Variants in NR6A1 observed in about 807,000 individuals in gnomAD.
The protein encoded by NR6A1 is retinoic acid receptor-related testis-associated receptor.
A neutral mutation model predicts 59.1 loss-of-function variants in NR6A1; 7 were observed. The observed-to-expected ratio is 0.12, with a 90% confidence interval of 0.07 to 0.22. The LOEUF (loss-of-function observed/expected upper bound fraction) is 0.22. NR6A1 is among the 10% of genes least tolerant of loss of function. The probability of loss-of-function intolerance (pLI) is 1.00; values close to 1 mark genes in which losing one functional copy is unlikely to be tolerated. For missense variants in NR6A1, 468 were observed against 611.6 expected (o/e 0.77, Z 2.48); for synonymous variants, 243 against 236.1 (o/e 1.03, Z -0.27).
intron 2 of NR6A1, among the ~76,000 whole-genome samples, chr9:124,689,076 C>CA (rs771704568): frequency 2.4e-4 from 36 of 152,126 alleles, no homozygotes; most frequent in Admixed American, 6.5e-4. Context: ...AACAGCTAGT[C>CA]AGAGATTGTT....
intron 2 of NR6A1, among the ~76,000 whole-genome samples, chr9:124,590,385 A>C (rs1312240367): frequency 6.6e-6 from 1 of 152,098 alleles, no homozygotes; most frequent in African/African-American, 2.4e-5. Context: ...TCAAAGAAAT[A>C]CAGGGCCCCA....
At chr9:124,555,427 T>A (rs1440060762) in intron 2 of NR6A1, among the ~76,000 whole-genome samples, 1 of 152,072 alleles carries the variant, frequency 6.6e-6, no homozygotes, top group Non-Finnish European at 1.5e-5. Context: ...ACCTCACTCC[T>A]GAGTAAGAGG....
At chr9:124,565,428 A>AAAACAAAC (rs896460175) in intron 2 of NR6A1, among the ~76,000 whole-genome samples, 2 of 150,676 alleles carry the variant, frequency 1.3e-5, no homozygotes, top group Non-Finnish European at 2.9e-5. Flanking sequence ...CTCCGTCTCA[A>AAAACAAAC]AAACAAACAA....
intron 2 of NR6A1, among the ~76,000 whole-genome samples, chr9:124,681,013 T>C (rs182926087): frequency 4.6e-4 from 70 of 152,282 alleles, no homozygotes; most frequent in Non-Finnish European, 8.4e-4. Context: ...CTTAATAATG[T>C]CCTTGATGAA....
intron 2 of NR6A1, among the ~76,000 whole-genome samples, chr9:124,588,657 C>T (rs912837091): frequency 1.4e-5 from 2 of 148,060 alleles, no homozygotes; most frequent in African/African-American, 4.9e-5. Context: ...TGGTGGCTCA[C>T]GCCGGTAATC....
At chr9:124,697,872 G>A (rs971448860) in intron 2 of NR6A1, among the ~76,000 whole-genome samples, 4 of 152,242 alleles carry the variant, frequency 2.6e-5, no homozygotes, top group Admixed American at 2.6e-4. Flanking sequence ...TCTGTAAATA[G>A]GAGATACAAC....
At chr9:124,541,324 T>G (rs900189019) in intron 4 of NR6A1, among the ~76,000 whole-genome samples, 1 of 151,388 alleles carries the variant, frequency 6.6e-6, no homozygotes, top group African/African-American at 2.4e-5. Flanking sequence ...AACAAGAAAC[T>G]TGAACAGACA....
At chr9:124,733,651 A>G (rs530657504) in intron 1 of NR6A1, among the ~76,000 whole-genome samples, 8 of 152,260 alleles carry the variant, frequency 5.3e-5, no homozygotes, top group Non-Finnish European at 7.3e-5. Context: ...AGCACAAGTA[A>G]TTATGAGTTA....
intron 2 of NR6A1, among the ~76,000 whole-genome samples, chr9:124,633,762 T>C (rs1836515304): frequency 6.6e-6 from 1 of 152,180 alleles, no homozygotes; most frequent in Non-Finnish European, 1.5e-5. Context: ...GCTAAATCCA[T>C]TTTGATAGCT....
intron 1 of NR6A1, among the ~76,000 whole-genome samples, chr9:124,753,150 A>C (rs1588855423): frequency 6.6e-6 from 1 of 152,278 alleles, no homozygotes; most frequent in Middle Eastern, 3.4e-3. Flanking sequence ...AAACATTCCA[A>C]AGCTGTTAGT....
chr9:124,631,771 T>TA (rs1275094375), intron 2 of NR6A1, among the ~76,000 whole-genome samples: 1 of 152,190 alleles, frequency 6.6e-6, no homozygotes, highest in Non-Finnish European at 1.5e-5. Context: ...ACCCAGGTAT[T>TA]AAGCCTAGTA....
At chr9:124,769,132 G>C (rs1841028379) in intron 1 of NR6A1, among the ~76,000 whole-genome samples, 1 of 151,952 alleles carries the variant, frequency 6.6e-6, no homozygotes, top group South Asian at 2.1e-4. Flanking sequence ...CTGGATTCCA[G>C]CTTCCCCCTT....
chr9:124,669,990 T>C (rs1435175292), intron 2 of NR6A1, among the ~76,000 whole-genome samples: 1 of 152,160 alleles, frequency 6.6e-6, no homozygotes, highest in Non-Finnish European at 1.5e-5. Context: ...AAACTTGATG[T>C]CTTATTTGTT....
At chr9:124,676,827 G>C (rs763341206) in intron 2 of NR6A1, among the ~76,000 whole-genome samples, 6 of 152,140 alleles carry the variant, frequency 3.9e-5, no homozygotes, top group Non-Finnish European at 7.3e-5. Flanking sequence ...CAGATATATG[G>C]CAAGTCCTCA....
chr9:124,580,048 ATATGACC>A (rs1486127193), intron 2 of NR6A1, among the ~76,000 whole-genome samples: 2 of 152,194 alleles, frequency 1.3e-5, no homozygotes, highest in African/African-American at 4.8e-5. Context: ...AAGATTTACC[ATATGACC>A]TAGCAATTCT....
chr9:124,706,667 C>T (rs556244442), intron 2 of NR6A1, among the ~76,000 whole-genome samples: 10 of 152,116 alleles, frequency 6.6e-5, no homozygotes, highest in Non-Finnish European at 1.0e-4. Context: ...TACTGACATG[C>T]GCCACCACAC....
intron 2 of NR6A1, among the ~76,000 whole-genome samples, chr9:124,616,363 A>G (rs1047032516): frequency 1.3e-5 from 2 of 150,528 alleles, no homozygotes; most frequent in African/African-American, 4.9e-5. Context: ...AGATCGCGCC[A>G]ATGCACTCCA....
chr9:124,651,231 A>AT lies in NR6A1; in HGVS notation c.142+82076dup, dbSNP rs541970757. Among the ~76,000 whole-genome samples, 322 of 148,152 alleles carry AT rather than the reference A, an allele frequency of 2.2e-3. 4 individuals carry two copies. The highest frequency in any genetic ancestry group is 0.019 in the South Asian group (87 of 4,664). On this transcript the variant is annotated intron_variant, in intron 2 of 9. Coordinates refer to ENST00000487099, the MANE Select transcript of NR6A1 (RefSeq NM_033334.4). Reference sequence around the variant, plus strand: ...GCCACTATGCCTGGTTAATTTTTGTATTTTTTTTTTAGAGATGGGGTTTTG... The same window carrying AT: ...GCCACTATGCCTGGTTAATTTTTGTATTTTTTTTTTTAGAGATGGGGTTTTG...
intron 5 of NR6A1, 93 bp from the exon 6 acceptor site, chr9:124,538,412 G>C (rs1833346961): frequency 1.1e-6 from 1 of 906,536 alleles, no homozygotes; most frequent in Non-Finnish European, 1.7e-6. Context: ...GGTATTCTTT[G>C]AACATGAGGT....
Sources: gnomAD v4.1 joint callset for allele counts (sites outside exome capture counted in the v4.1 genomes callset) on GRCh38, gnomAD v4.1.1 for gene constraint, MANE v1.5 for transcripts, NCBI Gene and HGNC (gene_info 2026-07-23, HGNC 2026-07-21) for gene names.